Variants in CACNA1C observed in about 807,000 individuals in gnomAD.
The protein encoded by CACNA1C is calcium voltage-gated channel subunit alpha1 C.
A neutral mutation model predicts 229.0 loss-of-function variants in CACNA1C; 30 were observed. The observed-to-expected ratio is 0.13, with a 90% CI of 0.10 to 0.18. CACNA1C has a LOEUF of 0.18. Among genes scored for constraint, CACNA1C ranks in the 10% least tolerant of loss-of-function variants. CACNA1C has a pLI of 1.00. For missense variants in CACNA1C, 1,658 were observed against 2,845.0 expected (o/e 0.58, Z 9.49); for synonymous variants, 1,114 against 1,132.5 (o/e 0.98, Z 0.33).
intron 1 of CACNA1C, among the ~76,000 whole-genome samples, chr12:2,101,724 G>T (rs73603744): frequency 1.1e-4 from 17 of 152,050 alleles, no homozygotes; most frequent in African/African-American, 3.6e-4. Flanking sequence ...GAATGCGCAG[G>T]GTGAGTGAGG....
chr12:2,430,732 A>C (rs2099074872), intron 3 of CACNA1C, among the ~76,000 whole-genome samples: 1 of 152,002 alleles, frequency 6.6e-6, no homozygotes, highest in Non-Finnish European at 1.5e-5. Flanking sequence ...TAGGATCTGG[A>C]TGTGGAGGTC....
At chr12:2,541,170 A>G (rs2099869204) in intron 9 of CACNA1C, among the ~76,000 whole-genome samples, 1 of 152,060 alleles carries the variant, frequency 6.6e-6, no homozygotes, top group Non-Finnish European at 1.5e-5. Context: ...TCTGTCTCCA[A>G]ACATGGCTAC....
At chr12:2,185,141 G>A (rs954600765) in intron 3 of CACNA1C, among the ~76,000 whole-genome samples, 16 of 152,142 alleles carry the variant, frequency 1.1e-4, no homozygotes, top group African/African-American at 2.7e-4. Context: ...TGTCTCTCTC[G>A]GGTTCCTATT....
Position 2,597,880 on chromosome 12 carries a change from C to G in CACNA1C, c.2853+591C>G, listed in dbSNP as rs551575016. Among the ~76,000 whole-genome samples the G allele has an allele frequency of 6.6e-6, 1 of 152,366 alleles. No homozygotes were observed. The highest frequency in any genetic ancestry group is 1.5e-5 in the Non-Finnish European group (1 of 68,034). The stretch of plus-strand genomic sequence containing the variant: ...TGAGCCCACGTAGGACTCTCCTTCC[C>G]TCCTCCTGCTTCATACACTCTGAAA... On this transcript the variant is annotated intron_variant, in intron 21 of 46. Transcript: ENST00000399655. The surrounding 1 kb of genome is among the most constrained non-coding windows in gnomAD (Gnocchi z 4.3).
Position 2,504,372 on chromosome 12 carries a change from T to A in CACNA1C, c.1114-470T>A, listed in dbSNP as rs1598329368. 1 of 902,160 alleles carries A rather than the reference T, an allele frequency of 1.1e-6. No individual in the cohort carries two copies. The highest frequency in any genetic ancestry group is 1.9e-6 in the Non-Finnish European group (1 of 534,962). 55.9% of individuals were successfully genotyped at this position (902,160 alleles called of 1,614,324 possible). A position where few individuals can be genotyped will look rare whatever the true frequency, so the allele number is the denominator to read the frequency against. On this transcript the variant is annotated intron_variant, in intron 7 of 46. Coordinates refer to ENST00000399655, the MANE Select transcript of CACNA1C (RefSeq NM_000719.7). This position sits in a 1 kb window ranked among gnomAD's most constrained non-coding sequence, Gnocchi z 6.8. Reference sequence around the variant, plus strand: ...CCCCTCCCAATCTGCTCACACCTGCTGCCTGCCTCTTTGCTGTAACCCAAT... The same window carrying A: ...CCCCTCCCAATCTGCTCACACCTGCAGCCTGCCTCTTTGCTGTAACCCAAT...
intron 1 of CACNA1C, among the ~76,000 whole-genome samples, chr12:1,994,021 A>G (rs760527412): frequency 5.3e-5 from 8 of 151,988 alleles, no homozygotes; most frequent in African/African-American, 9.7e-5. Context: ...ATAAACCACT[A>G]TAAGTTTTTC....
At chr12:2,052,507 A>G (rs2052492861), upstream of CACNA1C, among the ~76,000 whole-genome samples, 1 of 151,532 alleles carries the variant, frequency 6.6e-6, no homozygotes, top group Admixed American at 6.6e-5. Flanking sequence ...TGGCCGGCCC[A>G]GCAGGGACGC....
intron 13 of CACNA1C, among the ~76,000 whole-genome samples, chr12:2,580,293 A>G (rs1179671644): frequency 2.0e-5 from 3 of 152,218 alleles, no homozygotes; most frequent in Non-Finnish European, 2.9e-5. Flanking sequence ...GCAGGTTGGT[A>G]AAGAGTTCAT....
intron 3 of CACNA1C, among the ~76,000 whole-genome samples, chr12:2,182,329 G>T (rs1302352238): frequency 6.6e-6 from 1 of 152,096 alleles, no homozygotes; most frequent in Non-Finnish European, 1.5e-5. Context: ...GCACCCTGGG[G>T]TGGGTATGCT....
chr12:2,326,978 C>G (rs1331841931), intron 3 of CACNA1C, among the ~76,000 whole-genome samples: 1 of 152,154 alleles, frequency 6.6e-6, no homozygotes, highest in African/African-American at 2.4e-5. Context: ...ATATCAGTTA[C>G]CCTCTAGTAT....
chr12:2,400,969 C>A (rs2098668987), intron 3 of CACNA1C, among the ~76,000 whole-genome samples: 1 of 147,576 alleles, frequency 6.8e-6, no homozygotes, highest in South Asian at 2.1e-4. Context: ...AGCCTTTTCT[C>A]CCAAGTCCCC....
intron 29 of CACNA1C, among the ~76,000 whole-genome samples, chr12:2,631,379 C>T (rs946598767): frequency 6.6e-6 from 1 of 152,194 alleles, no homozygotes; most frequent in Non-Finnish European, 1.5e-5. Flanking sequence ...CCTTCTCTTC[C>T]TTGACTTCCC....
intron 3 of CACNA1C, among the ~76,000 whole-genome samples, chr12:2,243,495 G>A (rs1257166370): frequency 6.6e-6 from 1 of 152,202 alleles, no homozygotes; most frequent in African/African-American, 2.4e-5. Context: ...ACGTGTGACT[G>A]CTGCCATCAG....
At chr12:2,464,317 C>T (rs1417892256) in intron 5 of CACNA1C, among the ~76,000 whole-genome samples, 1 of 152,188 alleles carries the variant, frequency 6.6e-6, no homozygotes, top group African/African-American at 2.4e-5. Context: ...TCCCATCAGT[C>T]AAATCAGAAC....
chr12:2,642,252 T>A (rs1460892390), intron 30 of CACNA1C, among the ~76,000 whole-genome samples: 1 of 152,138 alleles, frequency 6.6e-6, no homozygotes, highest in East Asian at 1.9e-4. Flanking sequence ...ACTGTGTCAC[T>A]TTTTGTTTCC....
chr12:2,157,903 G>T (rs1425432484), intron 3 of CACNA1C, among the ~76,000 whole-genome samples: 3 of 152,152 alleles, frequency 2.0e-5, no homozygotes, highest in Non-Finnish European at 4.4e-5. Context: ...GAAGCTGATT[G>T]CTATGTAAAG....
chr12:2,314,074 T>A (rs1407217922), intron 3 of CACNA1C, among the ~76,000 whole-genome samples: 2 of 152,146 alleles, frequency 1.3e-5, no homozygotes, highest in Non-Finnish European at 2.9e-5. Context: ...CACTTCTTAT[T>A]CCCTTTGACC....
chr12:2,429,453 A>G (rs897129036), intron 3 of CACNA1C, among the ~76,000 whole-genome samples: 5 of 152,110 alleles, frequency 3.3e-5, no homozygotes, highest in Non-Finnish European at 5.9e-5. Flanking sequence ...GATGTGGGGG[A>G]AAAGCACTGG....
chr12:2,553,590 G>A (rs180848610), intron 10 of CACNA1C, among the ~76,000 whole-genome samples: 231 of 152,342 alleles, frequency 1.5e-3, no homozygotes, highest in African/African-American at 5.0e-3. Flanking sequence ...GCAGTCAGCC[G>A]TATTTTTGGC....
Sources: gnomAD v4.1 joint callset for allele counts (sites outside exome capture counted in the v4.1 genomes callset) on GRCh38, gnomAD v4.1.1 for gene constraint, Gnocchi (gnomAD v3.1) non-coding constraint, MANE v1.5 for transcripts, NCBI Gene and HGNC (gene_info 2026-07-23, HGNC 2026-07-21) for gene names.